FHIT: variants seen among roughly 807,000 people sequenced by gnomAD.
The protein encoded by FHIT is bis(5'-adenosyl)-triphosphatase.
In FHIT, 19 loss-of-function variants were observed where a neutral mutation model predicts 17.9. That is an observed-to-expected ratio of 1.06 (90% confidence interval 0.74 to 1.56). The LOEUF is 1.56. Among genes scored for constraint, FHIT ranks in the 40% most tolerant of loss-of-function variants. The probability of loss-of-function intolerance (pLI) is 0.00; values close to 1 mark genes in which losing one functional copy is unlikely to be tolerated. For synonymous variants in FHIT, 81 were observed against 69.7 expected, an observed-to-expected ratio of 1.16 and a Z score of -0.81; for missense variants, 248 against 189.2, an observed-to-expected ratio of 1.31 and a Z score of -1.82.
chr3:61,113,999 G>C (rs1205209029), intron 2 of FHIT, among the ~76,000 whole-genome samples: 2 of 152,148 alleles, frequency 1.3e-5, no homozygotes, highest in Non-Finnish European at 2.9e-5. Flanking sequence ...ACAGCCACTA[G>C]AGAGCAAAAG....
intron 4 of FHIT, among the ~76,000 whole-genome samples, chr3:60,692,225 A>G (rs2041008583): frequency 6.6e-6 from 1 of 152,174 alleles, no homozygotes; most frequent in Admixed American, 6.6e-5. Flanking sequence ...TAGTGCTTTA[A>G]CTGTGACAGA....
At chr3:61,044,570 T>C (rs113042404) in intron 2 of FHIT, among the ~76,000 whole-genome samples, 68 of 152,014 alleles carry the variant, frequency 4.5e-4, no homozygotes, top group South Asian at 2.1e-3. Flanking sequence ...CAGGATATTA[T>C]CCAGGAGAAC....
chr3:60,307,053 T>A (rs551960991), intron 5 of FHIT, among the ~76,000 whole-genome samples: 4 of 152,196 alleles, frequency 2.6e-5, no homozygotes, highest in African/African-American at 9.6e-5. Flanking sequence ...CATGCCCCCT[T>A]TTGACATGAC....
intron 6 of FHIT, among the ~76,000 whole-genome samples, chr3:60,012,425 T>C (rs185561046): frequency 6.6e-6 from 1 of 151,984 alleles, no homozygotes; most frequent in African/African-American, 2.4e-5. Flanking sequence ...TGCACCATCA[T>C]GCCTGGCTAA....
At chr3:60,678,883 T>TATC (rs35390919) in intron 4 of FHIT, among the ~76,000 whole-genome samples, 38,621 of 150,902 alleles carry the variant, frequency 0.26, 5,708 homozygotes, top group East Asian at 0.73. Context: ...TCCTGAAACA[T>TATC]ATCAGTGGCA....
At chr3:60,148,632 G>A (rs1357980291) in intron 5 of FHIT, among the ~76,000 whole-genome samples, 2 of 152,076 alleles carry the variant, frequency 1.3e-5, no homozygotes, top group Non-Finnish European at 2.9e-5. Context: ...ATTGATATAG[G>A]TTACACCACA....
chr3:60,126,083 A>G lies in FHIT; in HGVS notation c.104-111931T>C, dbSNP rs148801996. On this transcript the variant is annotated intron_variant, in intron 5 of 9. Coordinates refer to ENST00000492590, the MANE Select transcript of FHIT (RefSeq NM_002012.4). ...GAGGGCTTCATAAGGATACCAAATG[A>G]GAGGAAAAACAAGAACTTGGTCTGA... 8.0e-3 allele frequency among the ~76,000 whole-genome samples: 1,216 copies of G among 152,226 alleles called. 12 individuals are homozygous for G. The highest frequency in any genetic ancestry group is 0.027 in the African/African-American group (1,111 of 41,538).
chr3:61,016,890 G>A (rs139893676), intron 3 of FHIT, among the ~76,000 whole-genome samples: 8 of 152,234 alleles, frequency 5.3e-5, no homozygotes. Context: ...CAAAATGGGT[G>A]TATATGTCCA....
chr3:60,109,473 A>G (rs1476417715), intron 5 of FHIT, among the ~76,000 whole-genome samples: 1 of 152,204 alleles, frequency 6.6e-6, no homozygotes, highest in African/African-American at 2.4e-5. Flanking sequence ...CTAAAGAGAG[A>G]GTAAATAGAG....
intron 7 of FHIT, among the ~76,000 whole-genome samples, chr3:59,988,797 T>C (rs1040739799): frequency 1.3e-5 from 2 of 151,970 alleles, no homozygotes; most frequent in African/African-American, 4.8e-5. Flanking sequence ...GTTAAGTAAG[T>C]AGGAAGTAGG....
At chr3:61,207,167 A>G (rs1014385994) in intron 1 of FHIT, among the ~76,000 whole-genome samples, 5 of 152,116 alleles carry the variant, frequency 3.3e-5, no homozygotes, top group African/African-American at 7.2e-5. Context: ...CAGGGATGAA[A>G]CCCACTTGAT....
At chr3:60,640,916 A>G (rs1423107151) in intron 4 of FHIT, among the ~76,000 whole-genome samples, 1 of 152,222 alleles carries the variant, frequency 6.6e-6, no homozygotes, top group Admixed American at 6.5e-5. Context: ...GTGGTGGCTC[A>G]TGCCTGTAAT....
At chr3:61,233,510 G>A (rs2040156712) in intron 1 of FHIT, among the ~76,000 whole-genome samples, 1 of 152,122 alleles carries the variant, frequency 6.6e-6, no homozygotes, top group South Asian at 2.1e-4. Flanking sequence ...ACTAGGCACT[G>A]AGCTAAATGC....
chr3:59,851,269 T>C (rs1195004740), intron 8 of FHIT, among the ~76,000 whole-genome samples: 1 of 152,206 alleles, frequency 6.6e-6, no homozygotes, highest in Non-Finnish European at 1.5e-5. Flanking sequence ...AGAACTTTTA[T>C]GGCTCATTAG....
chr3:61,097,130 G>C (rs56880365), intron 2 of FHIT, among the ~76,000 whole-genome samples: 12,498 of 150,414 alleles, frequency 0.083, 608 homozygotes, highest in East Asian at 0.12. Flanking sequence ...GGCCGAATAG[G>C]AACAGCTCCA....
At chr3:61,186,556 G>A (rs559049784) in intron 2 of FHIT, among the ~76,000 whole-genome samples, 37 of 152,200 alleles carry the variant, frequency 2.4e-4, no homozygotes, top group Non-Finnish European at 4.9e-4. Context: ...GAGGCTATGA[G>A]GATCCTGAGA....
At chr3:60,763,700 C>G (rs1699745331) in intron 4 of FHIT, among the ~76,000 whole-genome samples, 1 of 152,080 alleles carries the variant, frequency 6.6e-6, no homozygotes, top group Non-Finnish European at 1.5e-5. Context: ...ATCAGGTAAC[C>G]CTTACATCAG....
chr3:60,214,490 A>C (rs774085790), intron 5 of FHIT, among the ~76,000 whole-genome samples: 5 of 152,164 alleles, frequency 3.3e-5, no homozygotes, highest in Non-Finnish European at 7.3e-5. Flanking sequence ...GCCTCCCTGA[A>C]CTGTCAAAAC....
intron 5 of FHIT, among the ~76,000 whole-genome samples, chr3:60,464,196 G>A (rs1478774479): frequency 6.6e-6 from 1 of 152,054 alleles, no homozygotes; most frequent in Non-Finnish European, 1.5e-5. Context: ...GTATTTCTAG[G>A]TTCCCCTGCA....
Sources: gnomAD v4.1 joint callset for allele counts (sites outside exome capture counted in the v4.1 genomes callset) on GRCh38, gnomAD v4.1.1 for gene constraint, MANE v1.5 for transcripts, NCBI Gene and HGNC (gene_info 2026-07-23, HGNC 2026-07-21) for gene names.